The following ABCA13 variants were observed in gnomAD, a reference collection of about 807,000 sequenced individuals.
ABCA13 encodes the protein ATP-binding cassette sub-family A member 13.
A neutral mutation model predicts 478.7 loss-of-function variants in ABCA13; 476 were observed. That is an observed-to-expected ratio of 0.99 (90% CI 0.92 to 1.07). The LOEUF (loss-of-function observed/expected upper bound fraction) is 1.07. Ranked by LOEUF, ABCA13 falls within the 50% of genes least tolerant of loss-of-function variation. ABCA13 has a pLI of 0.00. For synonymous variants in ABCA13, 2,252 were observed against 2,158.9 expected, an observed-to-expected ratio of 1.04 and a Z score of -1.20; for missense variants, 6,060 against 5,910.6, an observed-to-expected ratio of 1.03 and a Z score of -0.83.
At chr7:48,600,349 G>GTT (rs796436799) in intron 58 of ABCA13, among the ~76,000 whole-genome samples, 7 of 144,616 alleles carry the variant, frequency 4.8e-5, no homozygotes, top group African/African-American at 1.8e-4. Flanking sequence ...GTTGGATATT[G>GTT]TTTTTTTTTT....
In ABCA13 at chr7:48,421,933, G is replaced by A. The variant is rs143678151; in HGVS notation, c.12460-5833G>A. ...TTTTCCCTTAGTCCTCCTGTGTGCA[G>A]CTCATCTTCCAAGGCCTCCACACTG... On this transcript the variant is annotated intron_variant, in intron 41 of 61. Coordinates refer to ENST00000435803, the MANE Select transcript of ABCA13 (RefSeq NM_152701.5). Among the ~76,000 whole-genome samples, 112 of 151,760 alleles carry A rather than the reference G, an allele frequency of 7.4e-4. 3 individuals carry two copies. The highest frequency in any genetic ancestry group is 2.6e-3 in the African/African-American group (107 of 41,390).
At chr7:48,537,232 TTTTGA>T (rs575264054) in intron 55 of ABCA13, among the ~76,000 whole-genome samples, 28 of 152,346 alleles carry the variant, frequency 1.8e-4, no homozygotes, top group Admixed American at 3.3e-4. Flanking sequence ...ATTTCTAACT[TTTTGA>T]TTTAAGTGTT....
At chr7:48,541,847 T>G (rs1182454759) in intron 55 of ABCA13, among the ~76,000 whole-genome samples, 3 of 150,540 alleles carry the variant, frequency 2.0e-5, no homozygotes, top group African/African-American at 7.3e-5. Flanking sequence ...ATAATAAATA[T>G]TATTGGGAGT....
chr7:48,341,806 TTTTCTGATATATATATATATC>T (rs1563084230), intron 29 of ABCA13, among the ~76,000 whole-genome samples: 20 of 142,148 alleles, frequency 1.4e-4, no homozygotes, highest in South Asian at 6.5e-4. Context: ...TCTTCTTTTC[TTTTCTGATATATATATATATC>T]TTTCTGATAT....
chr7:48,193,301 A>T (rs1321290530), intron 2 of ABCA13, among the ~76,000 whole-genome samples: 2 of 152,216 alleles, frequency 1.3e-5, no homozygotes, highest in Non-Finnish European at 2.9e-5. Flanking sequence ...TAAAACTGAC[A>T]CAATCTGGGC....
chr7:48,223,543 G>T (rs1005535867), intron 5 of ABCA13, among the ~76,000 whole-genome samples: 1 of 152,130 alleles, frequency 6.6e-6, no homozygotes, highest in African/African-American at 2.4e-5. Context: ...GATTGATCAT[G>T]TAAGAAGAGG....
intron 3 of ABCA13, among the ~76,000 whole-genome samples, chr7:48,207,150 C>CT (rs1785034596): frequency 6.6e-6 from 1 of 152,092 alleles, no homozygotes; most frequent in Non-Finnish European, 1.5e-5. Flanking sequence ...GGATGTCATT[C>CT]TTTTTTATGG....
At chr7:48,450,315 A>C (rs1421932511) in intron 42 of ABCA13, among the ~76,000 whole-genome samples, 3 of 152,236 alleles carry the variant, frequency 2.0e-5, no homozygotes, top group Admixed American at 2.0e-4. Context: ...ATAAGTGTAC[A>C]GTCTTTACAA....
In ABCA13 at chr7:48,275,314, C is replaced by T. The variant is rs1299715433; in HGVS notation, c.5648C>T (p.Thr1883Ile). ...AATGAAAGCTCCCGAATGGAAATAACTAGGAAAGTGGTCTGCATAATTCAT... is the reference window on the plus strand; with the variant it reads ...AATGAAAGCTCCCGAATGGAAATAATTAGGAAAGTGGTCTGCATAATTCAT... ...CSNESSRMEI[T>I]RKVVCIIHEL... Residue 1883 changes from threonine to isoleucine, a missense_variant, in exon 17 of 62, where the codon ACT (threonine) becomes ATT (isoleucine). By Grantham distance (89) the Thr-to-Ile change is moderately conservative. Coordinates refer to ENST00000435803, the MANE Select transcript of ABCA13 (RefSeq NM_152701.5). The T allele has an allele frequency of 2.5e-6, 4 of 1,613,792 alleles. No homozygotes were observed. Among genetic ancestry groups the T allele is most frequent in the Admixed American group, 3.3e-5 (2 of 59,986 alleles).
intron 42 of ABCA13, among the ~76,000 whole-genome samples, chr7:48,428,219 C>A (rs562100355): frequency 1.1e-4 from 17 of 152,258 alleles, no homozygotes; most frequent in African/African-American, 4.1e-4. Flanking sequence ...GCGTGGTGTG[C>A]CTCTTATGTG....
chr7:48,452,102 G>C (rs1379529893), intron 42 of ABCA13, among the ~76,000 whole-genome samples: 1 of 152,132 alleles, frequency 6.6e-6, no homozygotes, highest in Non-Finnish European at 1.5e-5. Flanking sequence ...ACATATACGG[G>C]AAGGTGGAGA....
chr7:48,349,226 C>T (rs1322382026), intron 29 of ABCA13, among the ~76,000 whole-genome samples: 1 of 152,198 alleles, frequency 6.6e-6, no homozygotes, highest in Non-Finnish European at 1.5e-5. Context: ...CTTCCCAAAT[C>T]CTTACACTCA....
chr7:48,417,075 C>T (rs1820118365), intron 41 of ABCA13, among the ~76,000 whole-genome samples: 1 of 152,104 alleles, frequency 6.6e-6, no homozygotes, highest in South Asian at 2.1e-4. Flanking sequence ...TTCCTCCCCT[C>T]CCTGCTTTAA....
chr7:48,566,198 C>T (rs977332704), intron 55 of ABCA13, among the ~76,000 whole-genome samples: 3 of 152,034 alleles, frequency 2.0e-5, no homozygotes, highest in Admixed American at 1.3e-4. Context: ...CAGAGTGCTC[C>T]AAACATTTTA....
chr7:48,474,551 A>G (rs1036192180), intron 45 of ABCA13, among the ~76,000 whole-genome samples: 3 of 152,152 alleles, frequency 2.0e-5, no homozygotes, highest in African/African-American at 7.2e-5. Context: ...TTGAGGACTT[A>G]TGTGTTTCCT....
intron 59 of ABCA13, among the ~76,000 whole-genome samples, chr7:48,622,920 C>A (rs1793287614): frequency 6.6e-6 from 1 of 152,132 alleles, no homozygotes; most frequent in Non-Finnish European, 1.5e-5. Context: ...GACATTTGAA[C>A]CCCAGCATTC....
intron 47 of ABCA13, 144 bp from the exon 48 acceptor site, chr7:48,489,092 C>A: frequency 1.7e-6 from 1 of 582,238 alleles, no homozygotes; most frequent in Non-Finnish European, 3.0e-6. Flanking sequence ...TCACTGTCAG[C>A]CATGCAGGAA....
Position 48,275,011 on chromosome 7 carries a change from C to T in ABCA13, c.5345C>T (p.Thr1782Ile), listed in dbSNP as rs894033075. The part of the protein sequence containing the change: ...VYSFTLLHGI[T>I]ISNITKEDFA... The stretch of plus-strand genomic sequence containing the variant: ...AGCTTCACACTCCTTCATGGCATAA[C>T]CATTTCAAATATCACCAAGGAAGAC... Residue 1782 changes from threonine to isoleucine, a missense_variant, in exon 17 of 62, where the codon ACC (threonine) becomes ATC (isoleucine). Transcript: ENST00000435803. 6.2e-7 allele frequency: 1 copy of T among 1,613,772 alleles called. No individual in the cohort carries two copies. The highest frequency in any genetic ancestry group is 1.3e-5 in the African/African-American group (1 of 74,900).
chr7:48,287,432 C>T (rs1027080162), intron 19 of ABCA13, among the ~76,000 whole-genome samples: 1 of 152,042 alleles, frequency 6.6e-6, no homozygotes, highest in African/African-American at 2.4e-5. Context: ...GATGGAGAGA[C>T]ATTGGGAGGT....
Sources: allele counts gnomAD v4.1 joint callset (sites outside exome capture counted in the v4.1 genomes callset), GRCh38; gene constraint gnomAD v4.1.1; transcripts MANE v1.5; gene names NCBI Gene and HGNC (gene_info 2026-07-23, HGNC 2026-07-21).